PRUNE2: variants seen among roughly 807,000 people sequenced by gnomAD.
The protein encoded by PRUNE2 is protein prune homolog 2.
A neutral mutation model predicts 252.0 loss-of-function variants in PRUNE2; 164 were observed. That is an observed-to-expected ratio of 0.65 (90% CI 0.57 to 0.74). The LOEUF is 0.74. Ranked by LOEUF, PRUNE2 falls within the 30% of genes least tolerant of loss-of-function variation. PRUNE2 has a pLI of 0.00. For missense variants in PRUNE2, 3,495 were observed against 3,711.0 expected, an observed-to-expected ratio of 0.94 and a Z score of 1.51; for synonymous variants, 1,292 against 1,350.2, an observed-to-expected ratio of 0.96 and a Z score of 0.94.
intron 15 of PRUNE2, among the ~76,000 whole-genome samples, chr9:76,633,930 T>C (rs1838841867): frequency 6.6e-6 from 1 of 152,046 alleles, no homozygotes; most frequent in Admixed American, 6.5e-5. Flanking sequence ...TTGGACAACA[T>C]GAGACCCCAT....
intron 6 of PRUNE2, among the ~76,000 whole-genome samples, chr9:76,792,417 G>A (rs1006850578): frequency 3.3e-5 from 5 of 152,020 alleles, no homozygotes; most frequent in African/African-American, 7.2e-5. Context: ...TATTAGCAGC[G>A]TGAGAATGGA....
chr9:76,857,960 C>T (rs1013602712), intron 1 of PRUNE2, among the ~76,000 whole-genome samples: 1 of 152,162 alleles, frequency 6.6e-6, no homozygotes, highest in Non-Finnish European at 1.5e-5. Context: ...GGTCTGTAGG[C>T]CCCTTCCTAT....
Position 76,710,702 on chromosome 9 carries a change from G to A in PRUNE2, c.1572C>T (p.Asn524=), listed in dbSNP as rs777405752. 8.1e-6 allele frequency: 13 copies of A among 1,612,818 alleles called. No homozygotes were observed. Among genetic ancestry groups the A allele is most frequent in the East Asian group, 6.7e-5 (3 of 44,868 alleles). Residue 524 remains asparagine (N), a synonymous_variant, in exon 8 of 19, where the codon AAC becomes AAT. Coordinates refer to ENST00000376718, the MANE Select transcript of PRUNE2 (RefSeq NM_015225.3). Reference sequence around the variant, plus strand: ...GGAGCTGTCCTTCTGACAGGTCACTGTTGGGGAAGAAGTCATCTGCTGGGG... The same window carrying A: ...GGAGCTGTCCTTCTGACAGGTCACTATTGGGGAAGAAGTCATCTGCTGGGG... ...DYSPADDFFP[N]SDLSEGQLPA... is the part of the protein sequence containing the mutation.
intron 12 of PRUNE2, chr9:76,642,098 C>T: frequency 1.3e-6 from 1 of 792,842 alleles, no homozygotes; most frequent in Non-Finnish European, 2.0e-6. Flanking sequence ...TTCTCAGCTC[C>T]AAGTTCAAAA....
At chr9:76,647,625 A>G (rs996048843) in intron 11 of PRUNE2, among the ~76,000 whole-genome samples, 3 of 152,190 alleles carry the variant, frequency 2.0e-5, no homozygotes, top group Admixed American at 6.5e-5. Context: ...TGCAAAACAC[A>G]TATCTGATGA....
At chr9:76,874,837 G>A (rs577806997) in intron 1 of PRUNE2, among the ~76,000 whole-genome samples, 1 of 152,242 alleles carries the variant, frequency 6.6e-6, no homozygotes, top group African/African-American at 2.4e-5. Flanking sequence ...CATGAGATGA[G>A]ATCAAAAGTG....
At chr9:76,745,522 A>T (rs1279386088) in intron 6 of PRUNE2, among the ~76,000 whole-genome samples, 1 of 148,360 alleles carries the variant, frequency 6.7e-6, no homozygotes, top group East Asian at 2.1e-4. Flanking sequence ...GGCCCCACTC[A>T]TAAGTGACTC....
intron 4 of PRUNE2, among the ~76,000 whole-genome samples, chr9:76,838,645 C>CAAAAAAAAAAAAAAAAAA (rs10540002): frequency 1.2e-5 from 1 of 84,656 alleles, no homozygotes; most frequent in Non-Finnish European, 2.4e-5. Context: ...AACTCTGTCT[C>CAAAAAAAAAAAAAAAAAA]AAAAAAAAAA....
intron 9 of PRUNE2, among the ~76,000 whole-genome samples, chr9:76,676,535 G>GT (rs1401949068): frequency 6.6e-6 from 1 of 152,090 alleles, no homozygotes; most frequent in Non-Finnish European, 1.5e-5. Flanking sequence ...GTTAATAGCA[G>GT]TTACCTATGT....
intron 6 of PRUNE2, among the ~76,000 whole-genome samples, chr9:76,774,817 G>C (rs1204648967): frequency 6.6e-6 from 1 of 152,150 alleles, no homozygotes. Context: ...GGAGGAAACA[G>C]GGGAGCTTTA....
intron 1 of PRUNE2, among the ~76,000 whole-genome samples, chr9:76,890,798 A>G (rs1326810559): frequency 6.6e-6 from 1 of 152,230 alleles, no homozygotes; most frequent in Non-Finnish European, 1.5e-5. Flanking sequence ...CAGGGCAAGT[A>G]TCAACCCAAA....
intron 6 of PRUNE2, among the ~76,000 whole-genome samples, chr9:76,802,085 A>T (rs562508920): frequency 1.3e-5 from 2 of 152,202 alleles, no homozygotes; most frequent in African/African-American, 4.8e-5. Flanking sequence ...TACGTTCTCA[A>T]CTCTCCAAAA....
At chr9:76,734,282 G>A (rs1039750088) in intron 6 of PRUNE2, among the ~76,000 whole-genome samples, 2 of 152,154 alleles carry the variant, frequency 1.3e-5, no homozygotes, top group African/African-American at 4.8e-5. Flanking sequence ...ACGTTCAGGA[G>A]GTAGGGGTCG....
chr9:76,723,965 G>T (rs1201600194), intron 6 of PRUNE2, among the ~76,000 whole-genome samples: 1 of 151,020 alleles, frequency 6.6e-6, no homozygotes, highest in Non-Finnish European at 1.5e-5. Flanking sequence ...CTGCTACCAC[G>T]CTCGGCTAAC....
chr9:76,733,593 C>G (rs760241582), intron 6 of PRUNE2: 7 of 151,620 alleles, frequency 4.6e-5, no homozygotes, highest in Non-Finnish European at 5.9e-5. Context: ...TTTGTAGAGA[C>G]AGGGTTTCAT....
chr9:76,746,900 C>T (rs1486465576), intron 6 of PRUNE2, among the ~76,000 whole-genome samples: 2 of 152,130 alleles, frequency 1.3e-5, no homozygotes, highest in Non-Finnish European at 2.9e-5. Context: ...TCCTTTGTAG[C>T]GTCCTTTATA....
At chr9:76,627,398 C>T (rs1053924433) in intron 16 of PRUNE2, among the ~76,000 whole-genome samples, 1 of 152,074 alleles carries the variant, frequency 6.6e-6, no homozygotes, top group Non-Finnish European at 1.5e-5. Context: ...AGGTGTGAGG[C>T]ATCCCTCTCT....
chr9:76,856,794 C>G (rs1200946572), intron 1 of PRUNE2, among the ~76,000 whole-genome samples: 1 of 151,848 alleles, frequency 6.6e-6, no homozygotes, highest in Non-Finnish European at 1.5e-5. Context: ...CGCTCTGTCA[C>G]CCAGGCTGGA....
intron 16 of PRUNE2, among the ~76,000 whole-genome samples, chr9:76,628,821 T>G (rs1251505976): frequency 2.0e-5 from 3 of 151,890 alleles, no homozygotes; most frequent in Non-Finnish European, 4.4e-5. Context: ...AGAACTGACC[T>G]CTTTTCCAAC....
Sources: allele counts gnomAD v4.1 joint callset (sites outside exome capture counted in the v4.1 genomes callset), GRCh38; gene constraint gnomAD v4.1.1; transcripts MANE v1.5; gene names NCBI Gene and HGNC (gene_info 2026-07-23, HGNC 2026-07-21).